Variants in GUCY1A2 observed in about 807,000 individuals in gnomAD.
The protein encoded by GUCY1A2 is guanylate cyclase soluble subunit alpha-2.
In GUCY1A2, 27 loss-of-function variants were observed where a neutral mutation model predicts 63.5. That is an observed-to-expected ratio of 0.43 (90% CI 0.31 to 0.59). The LOEUF (loss-of-function observed/expected upper bound fraction) is 0.59. GUCY1A2 is among the 20% of genes least tolerant of loss of function. GUCY1A2 has a pLI of 0.11. For synonymous variants in GUCY1A2, 364 were observed against 343.5 expected, an observed-to-expected ratio of 1.06 and a Z score of -0.66; for missense variants, 768 against 913.3, an observed-to-expected ratio of 0.84 and a Z score of 2.05.
chr11:106,795,736 C>T (rs1864746562), intron 5 of GUCY1A2, among the ~76,000 whole-genome samples: 1 of 152,116 alleles, frequency 6.6e-6, no homozygotes, highest in African/African-American at 2.4e-5. Flanking sequence ...TCTCATCTTT[C>T]CACTTTAAAA....
chr11:106,986,098 G>T lies in GUCY1A2; in HGVS notation c.337C>A (p.Leu113Met). 1 of 1,507,800 alleles carries T rather than the reference G, an allele frequency of 6.6e-7. No individual in the cohort carries two copies. Among genetic ancestry groups the T allele is most frequent in the East Asian group, 2.3e-5 (1 of 44,354 alleles). 93.4% of individuals were successfully genotyped at this position (1,507,800 alleles called of 1,614,324 possible). The change falls in exon 2 of 8, where the codon CTG becomes ATG. Residue 113 changes from leucine to methionine, a missense_variant. By Grantham distance (15) the Leu-to-Met change is conservative. This residue lies in a region of GUCY1A2 where 496 missense variants were observed against 486.9 expected (regional missense o/e 1.02). Coordinates refer to ENST00000526355, the MANE Select transcript of GUCY1A2 (RefSeq NM_000855.3). ...QTIQQTLKRT[L>M]QYYEHQVIGY... ...ATAACTTGATGTTCATAATACTGCA[G>T]TGTCCTCTTGAGAGTCTGCTGTATC... is the stretch of plus-strand genomic sequence containing the variant.
At chr11:106,971,762 A>ACACC (rs1861197568) in intron 3 of GUCY1A2, among the ~76,000 whole-genome samples, 1 of 152,152 alleles carries the variant, frequency 6.6e-6, no homozygotes, top group African/African-American at 2.4e-5. Flanking sequence ...TAGAAGCAAA[A>ACACC]CACCCCAATA....
intron 4 of GUCY1A2, among the ~76,000 whole-genome samples, chr11:106,909,157 A>G (rs939501540): frequency 6.6e-6 from 1 of 151,974 alleles, no homozygotes; most frequent in Non-Finnish European, 1.5e-5. Flanking sequence ...AATTTTGTGC[A>G]CTACATTTTA....
intron 1 of GUCY1A2, among the ~76,000 whole-genome samples, chr11:106,997,934 C>T (rs562309587): frequency 6.6e-6 from 1 of 151,720 alleles, no homozygotes; most frequent in South Asian, 2.1e-4. Context: ...TATGTATCCG[C>T]ACATCAATCT....
chr11:106,858,560 G>A (rs1375762540), intron 4 of GUCY1A2, among the ~76,000 whole-genome samples: 1 of 152,082 alleles, frequency 6.6e-6, no homozygotes, highest in East Asian at 1.9e-4. Flanking sequence ...GAGGCAGTAG[G>A]ATTTAAACAC....
intron 1 of GUCY1A2, among the ~76,000 whole-genome samples, chr11:107,015,519 G>A (rs1378699369): frequency 1.7e-5 from 2 of 114,588 alleles, no homozygotes; most frequent in Non-Finnish European, 3.3e-5. Context: ...CATTATCAGA[G>A]GCATTGACAT....
chr11:106,768,857 T>G (rs1465060994), intron 6 of GUCY1A2, among the ~76,000 whole-genome samples: 1 of 152,056 alleles, frequency 6.6e-6, no homozygotes, highest in Non-Finnish European at 1.5e-5. Context: ...CAAGAGAACA[T>G]AAACTGGAGC....
rs556127176 is a variant in GUCY1A2, at chr11:106,891,527, G to A, written c.1206+47933C>T. Reference sequence around the variant, plus strand: ...AATGTCTTGCTTTTTTCAAGATCCTGAAGATATTTTGTGATTTGCTCTAGA... The same window carrying A: ...AATGTCTTGCTTTTTTCAAGATCCTAAAGATATTTTGTGATTTGCTCTAGA... On this transcript the variant is annotated intron_variant, in intron 4 of 7. Coordinates refer to ENST00000526355, the MANE Select transcript of GUCY1A2 (RefSeq NM_000855.3). Among the ~76,000 whole-genome samples the A allele has an allele frequency of 3.3e-5, 5 of 152,116 alleles. No individual in the cohort carries two copies. The South Asian group carries it at 8.3e-4, about 25-fold the overall frequency.
chr11:106,700,520 A>G (rs1020501403), intron 7 of GUCY1A2, among the ~76,000 whole-genome samples: 6 of 152,206 alleles, frequency 3.9e-5, no homozygotes, highest in South Asian at 4.1e-4. Context: ...TGGCACATTT[A>G]AAAGGGTAAT....
intron 1 of GUCY1A2, among the ~76,000 whole-genome samples, chr11:107,003,449 G>A (rs536574609): frequency 3.9e-5 from 6 of 151,962 alleles, no homozygotes; most frequent in South Asian, 2.1e-4. Flanking sequence ...CTAATTCTCC[G>A]TTGTTCTTAT....
chr11:106,942,431 C>A (rs1419260562), intron 3 of GUCY1A2, among the ~76,000 whole-genome samples: 1 of 152,162 alleles, frequency 6.6e-6, no homozygotes, highest in African/African-American at 2.4e-5. Context: ...CATTCAATGA[C>A]AGTCCTTTGT....
chr11:106,820,549 C>T (rs1444988591), intron 4 of GUCY1A2, among the ~76,000 whole-genome samples: 1 of 152,216 alleles, frequency 6.6e-6, no homozygotes, highest in Admixed American at 6.5e-5. Context: ...CAGGTACATG[C>T]CATCATGCCT....
At chr11:106,996,825 AG>A (rs1217181914) in intron 1 of GUCY1A2, among the ~76,000 whole-genome samples, 1 of 152,214 alleles carries the variant, frequency 6.6e-6, no homozygotes, top group East Asian at 1.9e-4. Flanking sequence ...TTCTCTTGAA[AG>A]AAAAAACTCA....
chr11:106,790,358 C>A (rs1864636682), intron 5 of GUCY1A2, among the ~76,000 whole-genome samples: 1 of 150,846 alleles, frequency 6.6e-6, no homozygotes, highest in Non-Finnish European at 1.5e-5. Flanking sequence ...TGCGTGAATG[C>A]TGCCAGGCCT....
chr11:106,696,505 A>T (rs1035540106), intron 7 of GUCY1A2, among the ~76,000 whole-genome samples: 3 of 152,204 alleles, frequency 2.0e-5, no homozygotes, highest in Admixed American at 1.3e-4. Context: ...TTAAAAATTA[A>T]TATTAGTTGA....
intron 5 of GUCY1A2, among the ~76,000 whole-genome samples, chr11:106,797,129 G>T (rs1188386756): frequency 1.3e-5 from 2 of 152,018 alleles, no homozygotes; most frequent in African/African-American, 4.8e-5. Flanking sequence ...GCTCCATCGG[G>T]TCATTTAAGG....
intron 6 of GUCY1A2, among the ~76,000 whole-genome samples, chr11:106,716,726 G>T (rs912228474): frequency 7.8e-6 from 1 of 127,954 alleles, no homozygotes; most frequent in African/African-American, 3.1e-5. Context: ...CCGAGATCAC[G>T]CTACTGCACT....
chr11:106,802,396 C>T (rs960858669), intron 5 of GUCY1A2, among the ~76,000 whole-genome samples: 1 of 152,238 alleles, frequency 6.6e-6, no homozygotes, highest in African/African-American at 2.4e-5. Flanking sequence ...CTCTATAAGG[C>T]TAATGAAAAT....
At chr11:106,749,125 C>T (rs1476012718) in intron 6 of GUCY1A2, among the ~76,000 whole-genome samples, 8 of 151,944 alleles carry the variant, frequency 5.3e-5, no homozygotes, top group Admixed American at 1.3e-4. Context: ...TAGTCACATC[C>T]GGTACAGGTT....
Sources: allele counts gnomAD v4.1 joint callset (sites outside exome capture counted in the v4.1 genomes callset), GRCh38; gene constraint gnomAD v4.1.1; regional missense constraint gnomAD v4.1.1; transcripts MANE v1.5; gene names NCBI Gene and HGNC (gene_info 2026-07-23, HGNC 2026-07-21).